FOXP1: variants seen among roughly 807,000 people sequenced by gnomAD.
FOXP1 encodes the protein forkhead box protein P1.
FOXP1 carries 15 observed loss-of-function variants against 98.2 expected under a neutral mutation model. That is an observed-to-expected ratio of 0.15 (90% CI 0.10 to 0.24). FOXP1 has a LOEUF of 0.24. Ranked by LOEUF, FOXP1 falls within the 10% of genes least tolerant of loss-of-function variation. FOXP1 has a pLI of 1.00. For synonymous variants in FOXP1, 371 were observed against 314.5 expected (o/e 1.18, Z -1.90); for missense variants, 633 against 848.5 (o/e 0.75, Z 3.15).
At chr3:71,322,872 T>C (rs1576967392) in intron 4 of FOXP1, among the ~76,000 whole-genome samples, 1 of 151,992 alleles carries the variant, frequency 6.6e-6, no homozygotes, top group South Asian at 2.1e-4. Context: ...CCTCTGGAGA[T>C]GGACATGAGA....
intron 4 of FOXP1, among the ~76,000 whole-genome samples, chr3:71,325,237 G>T (rs554353143): frequency 6.6e-6 from 1 of 152,214 alleles, no homozygotes; most frequent in Admixed American, 6.5e-5. Flanking sequence ...ATTTTTAGTA[G>T]AAATGGGGTT....
chr3:71,211,862 G>A (rs961246832), intron 5 of FOXP1, among the ~76,000 whole-genome samples: 2 of 152,082 alleles, frequency 1.3e-5, no homozygotes, highest in East Asian at 1.9e-4. Context: ...CTACCATATT[G>A]TTATTTTAAA....
At chr3:71,089,883 C>A (rs565129650) in intron 7 of FOXP1, among the ~76,000 whole-genome samples, 7 of 152,294 alleles carry the variant, frequency 4.6e-5, no homozygotes, top group African/African-American at 1.7e-4. Flanking sequence ...AGGCAGGCTA[C>A]TGAAATGAGT....
chr3:71,117,244 C>T (rs1281116403), intron 6 of FOXP1, among the ~76,000 whole-genome samples: 1 of 152,096 alleles, frequency 6.6e-6, no homozygotes, highest in African/African-American at 2.4e-5. Context: ...TGAGCCACCA[C>T]ATCCAACTAA....
chr3:71,553,632 T>C (rs547494244), intron 2 of FOXP1, among the ~76,000 whole-genome samples: 2 of 152,234 alleles, frequency 1.3e-5, no homozygotes, highest in Non-Finnish European at 2.9e-5. Flanking sequence ...ATTGTGTACA[T>C]ATGTATGTTC....
intron 2 of FOXP1, chr3:71,574,389 C>T (rs1222728092): frequency 6.6e-6 from 1 of 152,194 alleles, no homozygotes; most frequent in Non-Finnish European, 1.5e-5. Flanking sequence ...ATTTAAATAA[C>T]TCTTTTGATC....
intron 7 of FOXP1, among the ~76,000 whole-genome samples, chr3:71,077,017 G>A (rs906172771): frequency 6.6e-6 from 1 of 152,140 alleles, no homozygotes; most frequent in Non-Finnish European, 1.5e-5. Flanking sequence ...ATGGAGCATG[G>A]GCTCATGGGT....
intron 7 of FOXP1, among the ~76,000 whole-genome samples, chr3:71,068,829 G>A (rs1405362129): frequency 3.3e-5 from 5 of 152,128 alleles, no homozygotes; most frequent in Non-Finnish European, 1.5e-5. Context: ...AGGAAAGCGC[G>A]CCTCCCCAGA....
intron 3 of FOXP1, among the ~76,000 whole-genome samples, chr3:71,453,447 C>T (rs1461789589): frequency 3.9e-5 from 6 of 152,128 alleles, no homozygotes; most frequent in African/African-American, 1.4e-4. Flanking sequence ...TCCTAACAGC[C>T]AAAGCAGATT....
intron 3 of FOXP1, among the ~76,000 whole-genome samples, chr3:71,394,211 G>A (rs539735558): frequency 8.5e-5 from 13 of 152,210 alleles, no homozygotes; most frequent in Non-Finnish European, 1.3e-4. Context: ...TAGAAGTCCC[G>A]GATTTTTGTT....
chr3:71,180,007 G>A (rs1045965669), intron 6 of FOXP1, among the ~76,000 whole-genome samples: 1 of 152,124 alleles, frequency 6.6e-6, no homozygotes, highest in Non-Finnish European at 1.5e-5. Flanking sequence ...AGGCACTGGT[G>A]GAGTGAAGTG....
intron 2 of FOXP1, among the ~76,000 whole-genome samples, chr3:71,509,064 C>T (rs1488562597): frequency 1.3e-5 from 2 of 152,224 alleles, no homozygotes; most frequent in East Asian, 1.9e-4. Flanking sequence ...GTATGGATTT[C>T]GCCAGTCATT....
At chr3:71,145,211 T>C (rs2060251014) in intron 6 of FOXP1, among the ~76,000 whole-genome samples, 1 of 152,186 alleles carries the variant, frequency 6.6e-6, no homozygotes, top group Non-Finnish European at 1.5e-5. Context: ...TGAGTAACTG[T>C]ATGTTTATTT....
intron 2 of FOXP1, among the ~76,000 whole-genome samples, chr3:71,523,323 G>A (rs2043128356): frequency 6.6e-6 from 1 of 152,168 alleles, no homozygotes; most frequent in Non-Finnish European, 1.5e-5. Context: ...AATTTCTGGT[G>A]TTAAAGCCAG....
At chr3:71,553,733 T>A (rs1283551971) in intron 2 of FOXP1, among the ~76,000 whole-genome samples, 1 of 152,208 alleles carries the variant, frequency 6.6e-6, no homozygotes, top group Non-Finnish European at 1.5e-5. Context: ...ATAACATCAA[T>A]GGAACACTTA....
chr3:71,495,442 A>G lies in FOXP1; in HGVS notation c.-297-1887T>C, dbSNP rs144921953. The stretch of plus-strand genomic sequence containing the variant: ...TCATCGCAATGCTCCAAAATTTCAG[A>G]AAAATGCCCAGCTCATAGCAAGTAC... On this transcript the variant is annotated intron_variant, in intron 2 of 20. Coordinates refer to ENST00000649528, the MANE Select transcript of FOXP1 (RefSeq NM_001349338.3). 6.4e-3 allele frequency among the ~76,000 whole-genome samples: 981 copies of G among 152,340 alleles called. 12 individuals are homozygous for G. Among genetic ancestry groups the G allele is most frequent in the African/African-American group, 0.022 (926 of 41,580 alleles).
chr3:71,161,549 C>T (rs977835899), intron 6 of FOXP1, among the ~76,000 whole-genome samples: 4 of 152,186 alleles, frequency 2.6e-5, no homozygotes, highest in Admixed American at 1.3e-4. Context: ...AAGTGAAAAG[C>T]GCAGCTGCCC....
At chr3:71,449,515 C>T (rs547025047) in intron 3 of FOXP1, among the ~76,000 whole-genome samples, 1 of 152,298 alleles carries the variant, frequency 6.6e-6, no homozygotes, top group African/African-American at 2.4e-5. Flanking sequence ...GGGAGCAGCC[C>T]AGGCAAAGGA....
At chr3:71,390,628 C>T (rs2108119619) in intron 3 of FOXP1, among the ~76,000 whole-genome samples, 1 of 152,148 alleles carries the variant, frequency 6.6e-6, no homozygotes, top group African/African-American at 2.4e-5. Context: ...AAGAGAAAAA[C>T]AATCCAAGTC....
Sources: allele counts gnomAD v4.1 joint callset (sites outside exome capture counted in the v4.1 genomes callset), GRCh38; gene constraint gnomAD v4.1.1; transcripts MANE v1.5; gene names NCBI Gene and HGNC (gene_info 2026-07-23, HGNC 2026-07-21).